The following ACACA variants were observed in gnomAD, a reference collection of about 807,000 sequenced individuals.
The protein encoded by ACACA is acetyl-CoA carboxylase alpha.
ACACA carries 103 observed loss-of-function variants against 296.1 expected under a neutral mutation model. The ratio of observed to expected loss-of-function variants is 0.35; its 90% CI spans 0.30 to 0.41. The LOEUF (loss-of-function observed/expected upper bound fraction) is 0.41, where lower values mean the gene tolerates loss of function less well. Among genes scored for constraint, ACACA ranks in the 10% least tolerant of loss-of-function variants. ACACA has a pLI of 1.00. For synonymous variants in ACACA, 953 were observed against 1,038.6 expected, an observed-to-expected ratio of 0.92 and a Z score of 1.58; for missense variants, 1,554 against 2,989.7, an observed-to-expected ratio of 0.52 and a Z score of 11.20.
rs59633774 is a variant in ACACA, at chr17:37,308,025, A to G, written c.338+22148T>C. Among the ~76,000 whole-genome samples, 938 of 152,334 alleles carry G rather than the reference A, an allele frequency of 6.2e-3. 10 individuals carry two copies. Among genetic ancestry groups the G allele is most frequent in the African/African-American group, 0.022 (903 of 41,584 alleles). On this transcript the variant is annotated intron_variant, in intron 3 of 55. Transcript: ENST00000616317. ...CATAGAACCTATAATCACCAACTGC[A>G]ACATATACATTCATTGCAAGTGTTT...
intron 1 of ACACA, among the ~76,000 whole-genome samples, chr17:37,359,437 G>A (rs1257985897): frequency 6.6e-6 from 1 of 151,806 alleles, no homozygotes; most frequent in Non-Finnish European, 1.5e-5. Flanking sequence ...GCCGCGGGCG[G>A]GCCCTGGGCA....
chr17:37,150,977 G>A (rs573295565), intron 44 of ACACA, among the ~76,000 whole-genome samples: 15 of 151,492 alleles, frequency 9.9e-5, no homozygotes, highest in Non-Finnish European at 2.1e-4. Context: ...GCTTGAACAC[G>A]GGAGGCGGAG....
At chr17:37,207,115 T>A (rs2078538063) in intron 31 of ACACA, among the ~76,000 whole-genome samples, 2 of 152,218 alleles carry the variant, frequency 1.3e-5, no homozygotes, top group African/African-American at 4.8e-5. Flanking sequence ...TTAGAAAGAA[T>A]GATCTAAAGC....
chr17:37,310,353 A>G (rs905574248), intron 3 of ACACA, among the ~76,000 whole-genome samples: 9 of 152,332 alleles, frequency 5.9e-5, no homozygotes, highest in African/African-American at 2.2e-4. Flanking sequence ...GGGGAAATCA[A>G]GAATTTAATG....
intron 5 of ACACA, among the ~76,000 whole-genome samples, chr17:37,281,092 G>C (rs1398916580): frequency 1.5e-5 from 2 of 137,520 alleles, no homozygotes; most frequent in Non-Finnish European, 3.0e-5. Flanking sequence ...ACTGAGTCTC[G>C]CTTTGTGGCC....
intron 3 of ACACA, among the ~76,000 whole-genome samples, chr17:37,292,463 A>T (rs2083115769): frequency 6.6e-6 from 1 of 152,252 alleles, no homozygotes; most frequent in Non-Finnish European, 1.5e-5. Context: ...GCATTCTATA[A>T]GCAAGTTAAA....
intron 52 of ACACA, among the ~76,000 whole-genome samples, chr17:37,107,775 G>C (rs1325148890): frequency 1.3e-5 from 2 of 152,220 alleles, no homozygotes; most frequent in Non-Finnish European, 2.9e-5. Context: ...ACTTACAATT[G>C]CTTCACACTT....
intron 1 of ACACA, among the ~76,000 whole-genome samples, chr17:37,342,436 A>AAAAAAAATAT (rs1555652530): frequency 1.0e-4 from 6 of 58,220 alleles, no homozygotes; most frequent in African/African-American, 1.4e-4. Flanking sequence ...AAAAAAAAAA[A>AAAAAAAATAT]ATATATATAT....
At position 37,253,005 on chromosome 17, in the gene ACACA, T is replaced by C; in HGVS notation, c.1858A>G (p.Ile620Val). ...ACTGTAGTTCGAAAGTCACCCCGAA[T>C]AGACAGCTCCTTCAAAGCCACCACC... is the stretch of plus-strand genomic sequence containing the variant. ...NMVVALKELS[I>V]RGDFRTTVEY... The change falls in exon 15 of 56, where the codon ATT (isoleucine) becomes GTT (valine). Residue 620 changes from isoleucine to valine, a missense_variant. Coordinates refer to ENST00000616317, the MANE Select transcript of ACACA (RefSeq NM_198834.3). The C allele has an allele frequency of 6.2e-7, 1 of 1,614,224 alleles. No individual in the cohort carries two copies.
intron 25 of ACACA, among the ~76,000 whole-genome samples, chr17:37,233,510 G>A (rs983893892): frequency 6.6e-6 from 1 of 152,132 alleles, no homozygotes; most frequent in Non-Finnish European, 1.5e-5. Flanking sequence ...AAACTGTTAA[G>A]TTCTTAAAAA....
chr17:37,130,275 GATT>G, intron 45 of ACACA, 57 bp from the exon 46 acceptor site: 1 of 1,600,428 alleles, frequency 6.2e-7, no homozygotes, highest in Non-Finnish European at 8.6e-7. Flanking sequence ...AGGCATGGTC[GATT>G]TCACAAGTCG....
chr17:37,155,787 A>G lies in ACACA; in HGVS notation c.5350-7T>C. 4 of 1,561,786 alleles carry G rather than the reference A, an allele frequency of 2.6e-6. No homozygotes were observed. Among genetic ancestry groups the G allele is most frequent in the East Asian group, 2.2e-5 (1 of 44,524 alleles). Reference sequence around the variant, plus strand: ...GATATAAATACCTGTATCCCTGTGAAGCACAAATAGTTTTTAACTCATTAT... The same window carrying G: ...GATATAAATACCTGTATCCCTGTGAGGCACAAATAGTTTTTAACTCATTAT... On this transcript the variant is annotated splice_polypyrimidine_tract_variant and splice_region_variant and intron_variant, in intron 42 of 55. Coordinates refer to ENST00000616317, the MANE Select transcript of ACACA (RefSeq NM_198834.3).
intron 3 of ACACA, among the ~76,000 whole-genome samples, chr17:37,301,614 A>G (rs146274085): frequency 1.1e-4 from 17 of 152,342 alleles, no homozygotes; most frequent in African/African-American, 3.8e-4. Flanking sequence ...TCAAGTGACC[A>G]TATATTTAAA....
intron 30 of ACACA, among the ~76,000 whole-genome samples, chr17:37,209,295 C>T (rs1316453085): frequency 1.3e-5 from 2 of 152,156 alleles, no homozygotes; most frequent in African/African-American, 2.4e-5. Flanking sequence ...AATATATTTA[C>T]TAAAAAAGCA....
At chr17:37,382,795 G>C (rs564637527) in intron 1 of ACACA, among the ~76,000 whole-genome samples, 4 of 152,328 alleles carry the variant, frequency 2.6e-5, no homozygotes, top group African/African-American at 9.6e-5. Flanking sequence ...AGGATGCAGA[G>C]GTTGTAGGGA....
rs1486289265 is a variant in ACACA, at chr17:37,162,019, T to C, written c.5111A>G (p.Lys1704Arg). ...IGMVAWKMTF[K>R]SPEYPEGRDI... is the part of the protein sequence containing the mutation. ...TCGGCCTTCTGGATATTCAGGACTT[T>C]TAAAGGTCATTTTCCAAGCTACCAT... The change falls in exon 42 of 56, where the codon AAA becomes AGA. Residue 1704 changes from lysine to arginine, a missense_variant. Physicochemically the swap from Lys to Arg is conservative, Grantham distance 26. Transcript: ENST00000616317. The C allele has an allele frequency of 6.2e-7, 1 of 1,614,062 alleles. No homozygotes were observed. Among genetic ancestry groups the C allele is most frequent in the African/African-American group, 1.3e-5 (1 of 74,916 alleles).
At chr17:37,202,321 G>T (rs2078284743) in intron 33 of ACACA, among the ~76,000 whole-genome samples, 1 of 152,036 alleles carries the variant, frequency 6.6e-6, no homozygotes, top group Non-Finnish European at 1.5e-5. Flanking sequence ...AGAGCAACAG[G>T]ATTCTGATTA....
At chr17:37,157,244 G>T (rs2144310470) in intron 42 of ACACA, among the ~76,000 whole-genome samples, 1 of 152,270 alleles carries the variant, frequency 6.6e-6, no homozygotes, top group South Asian at 2.1e-4. Flanking sequence ...GATATCTGAG[G>T]AAAAAGCATT....
chr17:37,222,329 C>A (rs1056954988), intron 28 of ACACA, among the ~76,000 whole-genome samples: 1 of 152,126 alleles, frequency 6.6e-6, no homozygotes, highest in South Asian at 2.1e-4. Flanking sequence ...TCCCCGACTT[C>A]CCCACCCGCT....
Sources: allele counts gnomAD v4.1 joint callset (sites outside exome capture counted in the v4.1 genomes callset), GRCh38; gene constraint gnomAD v4.1.1; transcripts MANE v1.5; gene names NCBI Gene and HGNC (gene_info 2026-07-23, HGNC 2026-07-21).